The following NOP56 variants were observed in gnomAD, a reference collection of about 807,000 sequenced individuals.
NOP56 encodes the protein nucleolar protein 56.
NOP56 carries 31 observed loss-of-function variants against 58.3 expected under a neutral mutation model. The observed-to-expected ratio is 0.53, with a 90% confidence interval of 0.40 to 0.72. The LOEUF is 0.72. NOP56 is among the 30% of genes least tolerant of loss of function. NOP56 has a pLI of 0.00. For synonymous variants in NOP56, 313 were observed against 282.8 expected (o/e 1.11, Z -1.07); for missense variants, 669 against 739.9 (o/e 0.90, Z 1.11).
Position 2,658,100 on chromosome 20 carries a change from A to G in NOP56, c.1591A>G (p.Ile531Val), listed in dbSNP as rs1324607002. ...TGAAGAGACCGCTGGCAGCACCAGT[A>G]TTCCCAAGAGGAAGAAGTCTACACC... ...DLEETAGSTSIPKRKKSTPKE... is the reference protein window; with the variant it reads ...DLEETAGSTSVPKRKKSTPKE... Residue 531 changes from isoleucine to valine, a missense_variant, in exon 12 of 12, where the codon ATT becomes GTT. Coordinates refer to ENST00000329276, the MANE Select transcript of NOP56 (RefSeq NM_006392.4). 1.2e-6 allele frequency: 2 copies of G among 1,614,126 alleles called. No homozygotes were observed. Among genetic ancestry groups the G allele is most frequent in the Non-Finnish European group, 1.7e-6 (2 of 1,179,998 alleles).
rs774199487 is a variant in NOP56 at position 2,655,687 on chromosome 20, T to TA, written c.851dup (p.Tyr284Ter). The change falls in exon 7 of 12, where the codon TAC (tyrosine) becomes TAAC (stop). Residue 284 changes from tyrosine to a stop codon, truncating the protein, a stop_gained and frameshift_variant. Transcript: ENST00000329276. LOFTEE classifies it high-confidence loss of function. The stretch of plus-strand genomic sequence containing the variant: ...TGAATACCGCCAGAGCCTACACACT[T>TA]ACCTGCGCTCCAAGATGAGCCAAGT... ...LSEYRQSLHT[Y>*]LRSKMSQVAP... 6 of 1,614,050 alleles carry TA rather than the reference T, an allele frequency of 3.7e-6. No homozygotes were observed. The highest frequency in any genetic ancestry group is 1.7e-6 in the Non-Finnish European group (2 of 1,180,028).
In NOP56 at chr20:2,655,946, C is replaced by A. The variant is rs766775174; in HGVS notation, c.922C>A (p.Leu308Ile). 3 of 1,614,198 alleles carry A rather than the reference C, an allele frequency of 1.9e-6. No individual in the cohort carries two copies. The highest frequency in any genetic ancestry group is 2.5e-6 in the Non-Finnish European group (3 of 1,180,028). ...ALIGEAVGAR[L>I]IAHAGSLTNL... Reference sequence around the variant, plus strand: ...ACTCTCTCTCCAGGTAGGTGCACGTCTCATCGCACATGCTGGCAGCCTCAC... The same window carrying A: ...ACTCTCTCTCCAGGTAGGTGCACGTATCATCGCACATGCTGGCAGCCTCAC... Residue 308 changes from leucine to isoleucine, a missense_variant, in exon 8 of 12, where the codon CTC becomes ATC. Leu to Ile is a conservative substitution (Grantham distance 5). Around this residue, in one of 3 missense-constraint regions of NOP56, gnomAD observed 339 missense variants for 430.5 expected, o/e 0.79. Coordinates refer to ENST00000329276, the MANE Select transcript of NOP56 (RefSeq NM_006392.4).
In NOP56 at chr20:2,652,670, A is replaced by C. The variant is rs992267591; in HGVS notation, c.3+7A>C. 2 of 1,452,452 alleles carry C rather than the reference A, an allele frequency of 1.4e-6. No homozygotes were observed. The highest frequency in any genetic ancestry group is 2.8e-5 in the Admixed American group (1 of 36,190). The allele number at this position is 1,452,452 out of a possible 1,614,324, so 90.0% of individuals were successfully genotyped here. ...CCCGGGAGCTGGCGCCATGGTGAGG[A>C]GTGGTTGCGGGGCGCGGGCGACGCG... On this transcript the variant is annotated splice_region_variant and intron_variant, in intron 1 of 11. Coordinates refer to ENST00000329276, the MANE Select transcript of NOP56 (RefSeq NM_006392.4).
At chr20:2,653,099 C>G in intron 2 of NOP56, 168 bp downstream of exon 2, 1 of 770,772 alleles carries the variant, frequency 1.3e-6, no homozygotes, top group Non-Finnish European at 2.1e-6. Context: ...GGTAGAATCG[C>G]TCTAGCAATT....
Position 2,652,659 on chromosome 20 carries a change from C to G in NOP56, c.-2C>G. 2 of 1,434,100 alleles carry G rather than the reference C, an allele frequency of 1.4e-6. No homozygotes were observed. Among genetic ancestry groups the G allele is most frequent in the East Asian group, 2.9e-5 (1 of 34,574 alleles). 88.8% of individuals were successfully genotyped at this position (1,434,100 alleles called of 1,614,324 possible). A position where few individuals can be genotyped will look rare whatever the true frequency, so the allele number is the denominator to read the frequency against. On this transcript the variant is annotated 5_prime_UTR_variant, in exon 1 of 12. Transcript: ENST00000329276. ...TGCGAGCCGAACCCGGGAGCTGGCG[C>G]CATGGTGAGGAGTGGTTGCGGGGCG...
In NOP56 at chr20:2,654,390, G is replaced by T. The variant is rs778126681; in HGVS notation, c.209-24G>T. On this transcript the variant is annotated intron_variant, in intron 3 of 11. Coordinates refer to ENST00000329276, the MANE Select transcript of NOP56 (RefSeq NM_006392.4). ...GTTGATCGTCCTTCAGCCTGTTAGT[G>T]GGAACTGTGTTCTTTCCCCTGAGGG... 4 of 1,613,778 alleles carry T rather than the reference G, an allele frequency of 2.5e-6. No homozygotes were observed. In the African/African-American group the frequency reaches 5.3e-5, roughly 22 times the overall value.
intron 7 of NOP56, 53 bp from the exon 8 acceptor site, chr20:2,655,881 C>CT (rs777354085): frequency 7.4e-6 from 12 of 1,612,260 alleles, no homozygotes; most frequent in African/African-American, 2.7e-5. Flanking sequence ...TGTCGTGCAA[C>CT]TGGGCAGGTC....
rs753793090 is a variant in NOP56, at chr20:2,654,583, C to A, written c.370+8C>A. The stretch of plus-strand genomic sequence containing the variant: ...TAGCTGAGATCCTGCGAGGTGAGAC[C>A]ATCATCTGTTATATTCCTGTTATCC... On this transcript the variant is annotated splice_region_variant and intron_variant, in intron 4 of 11. Transcript: ENST00000329276. The A allele has an allele frequency of 5.6e-6, 9 of 1,613,868 alleles. No homozygotes were observed.
rs61752514 is a variant in NOP56 at position 2,658,234 on chromosome 20, G to A, written c.1725G>A (p.Ala575=). The stretch of plus-strand genomic sequence containing the variant: ...CGGTCAGCAGTGGGCCTGAAGAGGC[G>A]GTTGGCAAGAGCAGCTCCAAGAAGA... The part of the protein sequence containing the change: ...EEPVSSGPEE[A]VGKSSSKKKK... Residue 575 remains alanine (A), a synonymous_variant, in exon 12 of 12, where the codon GCG becomes GCA. Coordinates refer to ENST00000329276, the MANE Select transcript of NOP56 (RefSeq NM_006392.4). The A allele has an allele frequency of 1.2e-3, 1,909 of 1,601,718 alleles. 26 individuals are homozygous for A. The African/African-American group carries it at 0.023, about 19-fold the overall frequency.
intron 6 of NOP56, 41 bp from the exon 7 acceptor site, chr20:2,655,554 T>C: frequency 6.2e-7 from 1 of 1,614,176 alleles, no homozygotes; most frequent in Admixed American, 1.7e-5. Context: ...TATGGGGCTC[T>C]AAATAGCTGG....
chr20:2,655,240 A>G (rs1387124456), intron 5 of NOP56, 85 bp from the exon 6 acceptor site: 2 of 1,481,480 alleles, frequency 1.3e-6, no homozygotes, highest in Non-Finnish European at 1.9e-6. Context: ...TCCTCCAGGC[A>G]GAGTAGGTGT....
Position 2,652,637 on chromosome 20 carries a change from G to A in NOP56, c.-24G>A, listed in dbSNP as rs1486440626. On this transcript the variant is annotated 5_prime_UTR_variant, in exon 1 of 12. Coordinates refer to ENST00000329276, the MANE Select transcript of NOP56 (RefSeq NM_006392.4). ...CGCCGGAGCGCGCTAGCCGCATTGC[G>A]AGCCGAACCCGGGAGCTGGCGCCAT... 3 of 1,407,846 alleles carry A rather than the reference G, an allele frequency of 2.1e-6. No homozygotes were observed. Among genetic ancestry groups the A allele is most frequent in the African/African-American group, 3.0e-5 (2 of 66,014 alleles). The allele number at this position is 1,407,846 out of a possible 1,614,324, so 87.2% of individuals were successfully genotyped here.
intron 9 of NOP56, 99 bp from the exon 10 acceptor site, chr20:2,656,675 G>A: frequency 2.5e-6 from 4 of 1,609,710 alleles, no homozygotes; most frequent in Non-Finnish European, 3.4e-6. Flanking sequence ...AGTGAGTGTT[G>A]AGACTCTGGG....
At position 2,654,772 on chromosome 20, in the gene NOP56, C is replaced by G; in HGVS notation, c.394C>G (p.Leu132Val). The change falls in exon 5 of 12, where the codon CTG becomes GTG. Residue 132 changes from leucine to valine, a missense_variant. Physicochemically the swap from Leu to Val is conservative, Grantham distance 32. Coordinates refer to ENST00000329276, the MANE Select transcript of NOP56 (RefSeq NM_006392.4). ...AGGAGTTCGTCTGCACTTCCACAAT[C>G]TGGTGAAGGGTCTGACCGATCTGTC... ...LRGVRLHFHN[L>V]VKGLTDLSAC... 3.1e-6 allele frequency: 5 copies of G among 1,614,086 alleles called. No individual in the cohort carries two copies. The highest frequency in any genetic ancestry group is 4.2e-6 in the Non-Finnish European group (5 of 1,180,038).
intron 11 of NOP56, chr20:2,657,712 T>G (rs1351281682): frequency 1.7e-6 from 1 of 588,682 alleles, no homozygotes; most frequent in African/African-American, 1.9e-5. Context: ...TTTTAGGTTT[T>G]TTTTTTTAAT....
At chr20:2,654,068 T>G in intron 3 of NOP56, 3 of 476,878 alleles carry the variant, frequency 6.3e-6, no homozygotes, top group South Asian at 4.9e-5. Flanking sequence ...AAAGGGCAGT[T>G]GGGTAAACAC....
intron 7 of NOP56, 54 bp downstream of exon 7, chr20:2,655,800 C>T: frequency 6.2e-7 from 1 of 1,613,016 alleles, no homozygotes; most frequent in Non-Finnish European, 8.5e-7. Context: ...CCATGTGCAC[C>T]TGCACTGCTG....
chr20:2,656,525 G>A lies in NOP56; in HGVS notation c.1135G>A (p.Ala379Thr), dbSNP rs368994152. Reference protein sequence around the residue: ...SRYLANKCSIASRIDCFSEVP... With the variant: ...SRYLANKCSITSRIDCFSEVP... ...ATACCTGGCAAACAAATGCAGTATT[G>A]CCTCACGAATCGATTGCTTCTCTGG... Residue 379 changes from alanine to threonine, a missense_variant, in exon 9 of 12, where the codon GCC (alanine) becomes ACC (threonine). Ala to Thr is a moderately conservative substitution (Grantham distance 58). Coordinates refer to ENST00000329276, the MANE Select transcript of NOP56 (RefSeq NM_006392.4). The A allele has an allele frequency of 6.2e-7, 1 of 1,613,842 alleles. No homozygotes were observed. The highest frequency in any genetic ancestry group is 8.5e-7 in the Non-Finnish European group (1 of 1,179,866).
chr20:2,657,049 T>A (rs1448811234), intron 10 of NOP56, 32 bp from the exon 11 acceptor site: 1 of 1,614,092 alleles, frequency 6.2e-7, no homozygotes, highest in Non-Finnish European at 8.5e-7. Context: ...ACCAGAAGTC[T>A]TCAGGCCCTT....
Sources: allele counts gnomAD v4.1 joint callset, GRCh38; gene constraint gnomAD v4.1.1; regional missense constraint gnomAD v4.1.1; transcripts MANE v1.5; gene names NCBI Gene and HGNC (gene_info 2026-07-23, HGNC 2026-07-21).